The following SMOC2 variants were observed in gnomAD, a reference collection of about 807,000 sequenced individuals.
SMOC2 encodes the protein SPARC related modular calcium binding 2, also known as SPARC-related modular calcium-binding protein 2.
SMOC2 carries 39 observed loss-of-function variants against 61.4 expected under a neutral mutation model. The observed-to-expected ratio is 0.64, with a 90% CI of 0.49 to 0.83. The LOEUF (loss-of-function observed/expected upper bound fraction) is 0.83, where lower values mean the gene tolerates loss of function less well. Ranked by LOEUF, SMOC2 falls within the 40% of genes least tolerant of loss-of-function variation. The pLI, the probability that SMOC2 is intolerant of heterozygous loss-of-function variation, is 0.00. For missense variants in SMOC2, 556 were observed against 592.9 expected, an observed-to-expected ratio of 0.94 and a Z score of 0.65; for synonymous variants, 247 against 239.9, an observed-to-expected ratio of 1.03 and a Z score of -0.27.
At chr6:168,509,841 G>A in intron 1 of SMOC2, 74 bp from the exon 2 acceptor site, 1 of 1,458,962 alleles carries the variant, frequency 6.9e-7, no homozygotes, top group East Asian at 2.3e-5. Flanking sequence ...AGTGGCCTGA[G>A]GCAGCCTTCT....
intron 9 of SMOC2, among the ~76,000 whole-genome samples, chr6:168,624,543 C>A (rs186494815): frequency 6.6e-6 from 1 of 152,128 alleles, no homozygotes; most frequent in East Asian, 1.9e-4. Flanking sequence ...CACACATAGA[C>A]ACATGCACAC....
At chr6:168,640,521 T>C (rs1308493015) in intron 9 of SMOC2, among the ~76,000 whole-genome samples, 1 of 152,202 alleles carries the variant, frequency 6.6e-6, no homozygotes, top group Non-Finnish European at 1.5e-5. Flanking sequence ...AACATCACAG[T>C]GTGCTCAGAA....
chr6:168,610,422 T>A (rs980916072), intron 9 of SMOC2, among the ~76,000 whole-genome samples: 1 of 152,208 alleles, frequency 6.6e-6, no homozygotes, highest in African/African-American at 2.4e-5. Flanking sequence ...AAAAAACAAG[T>A]AGGTCTTAAA....
chr6:168,460,762 A>G (rs1490672103), intron 1 of SMOC2, among the ~76,000 whole-genome samples: 1 of 152,250 alleles, frequency 6.6e-6, no homozygotes, highest in Non-Finnish European at 1.5e-5. Flanking sequence ...TCTTACATCC[A>G]TTATGAAGAA....
Position 168,453,104 on chromosome 6 carries a change from CAAT to C in SMOC2, c.84+11651_84+11653del, listed in dbSNP as rs1293494992. ...CAGGGCCTTGGCCGGACACTCAGGG[CAAT>C]CTGCCCTGAGGAATTCAGGGCAGTG... is the stretch of plus-strand genomic sequence containing the variant. On this transcript the variant is annotated intron_variant, in intron 1 of 12. Transcript: ENST00000356284. This position sits in a 1 kb window ranked among gnomAD's most constrained non-coding sequence, Gnocchi z 4.4. 3.3e-5 allele frequency among the ~76,000 whole-genome samples: 5 copies of C among 152,088 alleles called. No individual in the cohort carries two copies. Among genetic ancestry groups the C allele is most frequent in the African/African-American group, 2.4e-5 (1 of 41,438 alleles).
chr6:168,563,297 GTGTA>G (rs989945376), intron 7 of SMOC2, among the ~76,000 whole-genome samples: 10 of 152,116 alleles, frequency 6.6e-5, no homozygotes, highest in African/African-American at 1.7e-4. Context: ...ATGTGTGTGT[GTGTA>G]TATATATGTG....
intron 9 of SMOC2, among the ~76,000 whole-genome samples, chr6:168,636,864 G>A (rs1322723454): frequency 3.6e-4 from 27 of 75,450 alleles, no homozygotes; most frequent in East Asian, 1.4e-3. Flanking sequence ...CCCTCCTCCC[G>A]CCTCCCTCCT....
chr6:168,492,839 T>C lies in SMOC2; in HGVS notation c.85-17076T>C, dbSNP rs567359306. On this transcript the variant is annotated intron_variant, in intron 1 of 12. Transcript: ENST00000356284. Reference sequence around the variant, plus strand: ...TTTCTCTGGCTTTAATATTGCCATCTATAGAGTACAGAAATGTGCCTTCTC... The same window carrying C: ...TTTCTCTGGCTTTAATATTGCCATCCATAGAGTACAGAAATGTGCCTTCTC... Among the ~76,000 whole-genome samples, 10 of 152,354 alleles carry C rather than the reference T, an allele frequency of 6.6e-5. No homozygotes were observed. In the South Asian group the frequency reaches 2.1e-3, roughly 32 times the overall value.
chr6:168,498,840 A>C (rs1782656810), intron 1 of SMOC2, among the ~76,000 whole-genome samples: 1 of 135,936 alleles, frequency 7.4e-6, no homozygotes, highest in Admixed American at 7.1e-5. Flanking sequence ...TGTCTACTAC[A>C]CATGGAAACC....
chr6:168,443,917 A>C (rs148750051), intron 1 of SMOC2, among the ~76,000 whole-genome samples: 1 of 152,190 alleles, frequency 6.6e-6, no homozygotes, highest in African/African-American at 2.4e-5. Context: ...ATGAGAATAC[A>C]TAATCTCTTT....
intron 9 of SMOC2, among the ~76,000 whole-genome samples, chr6:168,628,127 T>G (rs933398076): frequency 6.6e-6 from 1 of 152,226 alleles, no homozygotes; most frequent in African/African-American, 2.4e-5. Context: ...GCCCCCTAGG[T>G]TTGCCATGGC....
At chr6:168,442,041 C>A (rs1314457033) in intron 1 of SMOC2, among the ~76,000 whole-genome samples, 2 of 152,240 alleles carry the variant, frequency 1.3e-5, no homozygotes, top group African/African-American at 4.8e-5. Flanking sequence ...AGTCGTGGGC[C>A]CCACTCGTGG....
At chr6:168,647,825 A>G (rs1787080911) in intron 9 of SMOC2, among the ~76,000 whole-genome samples, 1 of 152,204 alleles carries the variant, frequency 6.6e-6, no homozygotes, top group Admixed American at 6.5e-5. Context: ...GTCGTCCGTC[A>G]TCAGTAACAA....
At chr6:168,464,954 A>G (rs1313764230) in intron 1 of SMOC2, among the ~76,000 whole-genome samples, 1 of 152,214 alleles carries the variant, frequency 6.6e-6, no homozygotes, top group African/African-American at 2.4e-5. Context: ...TGGAAGCACC[A>G]GTGTCTGAGA....
intron 2 of SMOC2, among the ~76,000 whole-genome samples, chr6:168,514,125 C>A (rs1783073530): frequency 6.6e-6 from 1 of 152,274 alleles, no homozygotes; most frequent in Non-Finnish European, 1.5e-5. Flanking sequence ...CGACCCCACC[C>A]AGCTTCCCTA....
rs146435694 is a variant in SMOC2, at chr6:168,539,268, A to G, written c.464-4357A>G. On this transcript the variant is annotated intron_variant, in intron 4 of 12. Transcript: ENST00000356284. ...TGAAAATCACTGTGTGTAGAAAACC[A>G]TCTCTTGTCTAGCCAGAGAGGCACC... 5.1e-3 allele frequency among the ~76,000 whole-genome samples: 780 copies of G among 152,302 alleles called. 4 individuals are homozygous for G. The highest frequency in any genetic ancestry group is 0.028 in the South Asian group (134 of 4,828).
At chr6:168,624,169 C>T (rs1786323645) in intron 9 of SMOC2, among the ~76,000 whole-genome samples, 1 of 152,190 alleles carries the variant, frequency 6.6e-6, no homozygotes, top group Non-Finnish European at 1.5e-5. Flanking sequence ...AGCCTAGGTG[C>T]TTTCCCTATA....
intron 9 of SMOC2, among the ~76,000 whole-genome samples, chr6:168,638,646 G>A (rs1054501569): frequency 5.9e-5 from 9 of 152,298 alleles, no homozygotes; most frequent in East Asian, 1.9e-4. Context: ...GAATTCCCGC[G>A]GAGTGGAGTC....
intron 1 of SMOC2, among the ~76,000 whole-genome samples, chr6:168,481,544 T>G (rs961171181): frequency 3.9e-5 from 6 of 151,998 alleles, no homozygotes; most frequent in Non-Finnish European, 8.8e-5. Flanking sequence ...GAAAGAAATT[T>G]AAATGTTTCA....
Sources: allele counts gnomAD v4.1 joint callset (sites outside exome capture counted in the v4.1 genomes callset), GRCh38; gene constraint gnomAD v4.1.1; non-coding constraint Gnocchi (gnomAD v3.1); transcripts MANE v1.5; gene names NCBI Gene and HGNC (gene_info 2026-07-23, HGNC 2026-07-21).